The following RAI14 variants were observed in gnomAD, a reference collection of about 807,000 sequenced individuals.
The protein encoded by RAI14 is retinoic acid induced 14, also known as ankycorbin.
RAI14 carries 45 observed loss-of-function variants against 115.4 expected under a neutral mutation model. That is an observed-to-expected ratio of 0.39 (90% confidence interval 0.31 to 0.50). The LOEUF (loss-of-function observed/expected upper bound fraction) is 0.50. Among genes scored for constraint, RAI14 ranks in the 20% least tolerant of loss-of-function variants. The pLI is 0.85. For synonymous variants in RAI14, 371 were observed against 415.4 expected (o/e 0.89, Z 1.30); for missense variants, 939 against 1,131.2 (o/e 0.83, Z 2.44).
chr5:34,767,441 T>G (rs1056881892), intron 3 of RAI14, among the ~76,000 whole-genome samples: 2 of 152,186 alleles, frequency 1.3e-5, no homozygotes, highest in African/African-American at 4.8e-5. Context: ...CTGGGGCTGC[T>G]GGAGCGGGAG....
chr5:34,687,036 G>T, intron 2 of RAI14, 81 bp downstream of exon 2: 1 of 1,499,526 alleles, frequency 6.7e-7, no homozygotes, highest in South Asian at 1.2e-5. Flanking sequence ...CCTTGATAAG[G>T]CGCTGTTGGG....
chr5:34,823,113 C>T lies in RAI14; in HGVS notation c.1271C>T (p.Thr424Ile), dbSNP rs369003984. Reference sequence around the variant, plus strand: ...TTAATACATTCTTTAGGTAAATCCACTACTGACAATGATGTCAGAATTCAG... The same window carrying T: ...TTAATACATTCTTTAGGTAAATCCATTACTGACAATGATGTCAGAATTCAG... The part of the protein sequence containing the change: ...SVLIHSLGKS[T>I]TDNDVRIQQL... The change falls in exon 15 of 18, where the codon ACT becomes ATT. Residue 424 changes from threonine (T) to isoleucine (I), a missense_variant. Coordinates refer to ENST00000265109, the MANE Select transcript of RAI14 (RefSeq NM_015577.3). The surrounding 1 kb of genome is among the most constrained non-coding windows in gnomAD (Gnocchi z 4.5). The T allele has an allele frequency of 5.6e-6, 9 of 1,612,522 alleles. No homozygotes were observed. The Admixed American group carries it at 6.7e-5, about 12-fold the overall frequency.
In RAI14 at chr5:34,832,559, T is replaced by C. The variant is rs1174050179; in HGVS notation, c.*1794T>C. The stretch of plus-strand genomic sequence containing the variant: ...TTATATGCTGTAGTTTTTAGTATTT[T>C]GTCTTTGTAATTTACAGAAGTTATT... On this transcript the variant is annotated 3_prime_UTR_variant, in exon 18 of 18. Transcript: ENST00000265109. 1 of 152,680 alleles carries C rather than the reference T, an allele frequency of 6.5e-6. No individual in the cohort carries two copies. The highest frequency in any genetic ancestry group is 1.5e-5 in the Non-Finnish European group (1 of 68,044). The allele number at this position is 152,680 out of a possible 1,614,324, so 9.5% of individuals were successfully genotyped here. A position where few individuals can be genotyped will look rare whatever the true frequency, so the allele number is the denominator to read the frequency against.
chr5:34,710,601 G>T (rs1741276428), intron 2 of RAI14, among the ~76,000 whole-genome samples: 1 of 152,192 alleles, frequency 6.6e-6, no homozygotes, highest in Admixed American at 6.5e-5. Context: ...CTTTGTTGAT[G>T]ATGAGAATCA....
chr5:34,731,783 G>A lies in RAI14; in HGVS notation c.37-25685G>A, dbSNP rs146074509. Among the ~76,000 whole-genome samples the A allele has an allele frequency of 5.5e-3, 835 of 152,352 alleles. 6 individuals are homozygous for A. Among genetic ancestry groups the A allele is most frequent in the African/African-American group, 0.019 (809 of 41,578 alleles). Reference sequence around the variant, plus strand: ...TCATCTCAACTTCTGTTTTGATAGAGGACAGTTGAAAACACTGTGCTTGCA... The same window carrying A: ...TCATCTCAACTTCTGTTTTGATAGAAGACAGTTGAAAACACTGTGCTTGCA... On this transcript the variant is annotated intron_variant, in intron 2 of 17. Coordinates refer to ENST00000265109, the MANE Select transcript of RAI14 (RefSeq NM_015577.3).
intron 1 of RAI14, among the ~76,000 whole-genome samples, chr5:34,672,136 G>A (rs539629058): frequency 6.6e-6 from 1 of 152,228 alleles, no homozygotes; most frequent in South Asian, 2.1e-4. Context: ...TTTTGTGCAA[G>A]TGCATTAACC....
intron 3 of RAI14, among the ~76,000 whole-genome samples, chr5:34,776,485 T>C (rs1303166160): frequency 6.6e-6 from 1 of 152,144 alleles, no homozygotes; most frequent in Non-Finnish European, 1.5e-5. Context: ...TTTACCCTGA[T>C]GTGATTATTC....
chr5:34,803,722 C>T lies in RAI14; in HGVS notation c.267C>T (p.Ala89=), dbSNP rs187117047. The change falls in exon 5 of 18, where the codon GCC becomes GCT. Residue 89 remains alanine (A), a synonymous_variant. Transcript: ENST00000265109. ...AAAAAATCCATTTAGGACACAGCGC[C>T]TTACATCTCGCAGCCAAGAACAGCC... The part of the protein sequence containing the change: ...VTAQDTTGHS[A]LHLAAKNSHH... 7 of 1,610,866 alleles carry T rather than the reference C, an allele frequency of 4.3e-6. No individual in the cohort carries two copies. In the East Asian group the frequency reaches 8.9e-5, roughly 21 times the overall value.
chr5:34,731,326 T>C (rs1258743235), intron 2 of RAI14, among the ~76,000 whole-genome samples: 2 of 152,342 alleles, frequency 1.3e-5, no homozygotes, highest in Non-Finnish European at 2.9e-5. Context: ...ATTACATACT[T>C]ATCTTCACCT....
At chr5:34,710,242 T>C (rs1246211068) in intron 2 of RAI14, among the ~76,000 whole-genome samples, 2 of 152,204 alleles carry the variant, frequency 1.3e-5, no homozygotes, top group Non-Finnish European at 2.9e-5. Context: ...GAAGAGTCCT[T>C]CCTTGCTTAT....
intron 1 of RAI14, among the ~76,000 whole-genome samples, chr5:34,678,908 T>C (rs1364984572): frequency 6.6e-6 from 1 of 152,208 alleles, no homozygotes; most frequent in Non-Finnish European, 1.5e-5. Context: ...ACACCACTTA[T>C]TTCCCTCTAT....
In RAI14 at chr5:34,810,688, C is replaced by T. The variant is rs1032064369; in HGVS notation, c.451-324C>T. On this transcript the variant is annotated intron_variant, in intron 7 of 17. Coordinates refer to ENST00000265109, the MANE Select transcript of RAI14 (RefSeq NM_015577.3). ...CTCCAGCACCGTCCCTCAGTATACCCGGTACACTTGCCTTGAGCCTTTACA... is the reference window on the plus strand; with the variant it reads ...CTCCAGCACCGTCCCTCAGTATACCTGGTACACTTGCCTTGAGCCTTTACA... Among the ~76,000 whole-genome samples, 15 of 152,192 alleles carry T rather than the reference C, an allele frequency of 9.9e-5. No homozygotes were observed. The South Asian group carries it at 1.0e-3, about 11-fold the overall frequency.
intron 1 of RAI14, chr5:34,686,426 C>T (rs1561236967): frequency 6.6e-6 from 1 of 152,044 alleles, no homozygotes; most frequent in Non-Finnish European, 1.5e-5. Flanking sequence ...ATGAAGAGAT[C>T]TATTGTACAA....
chr5:34,787,369 G>C (rs1752421149), intron 3 of RAI14, among the ~76,000 whole-genome samples: 1 of 152,156 alleles, frequency 6.6e-6, no homozygotes, highest in South Asian at 2.1e-4. Context: ...ACAATGAATA[G>C]ATAAACAAAA....
intron 1 of RAI14, among the ~76,000 whole-genome samples, chr5:34,673,190 T>TA (rs1246027597): frequency 6.6e-6 from 1 of 152,220 alleles, no homozygotes; most frequent in African/African-American, 2.4e-5. Context: ...GAGCAGTACT[T>TA]ACTTTCAGAA....
In RAI14 at chr5:34,824,201, T is replaced by C; in HGVS notation, c.2359T>C (p.Ser787Pro). ...AAMTDAMVPR[S>P]SYEKLQSSLE... ...TATGACTGATGCAATGGTACCTCGGTCTTCCTATGAAAAACTCCAGTCATC... is the reference window on the plus strand; with the variant it reads ...TATGACTGATGCAATGGTACCTCGGCCTTCCTATGAAAAACTCCAGTCATC... Residue 787 changes from serine to proline, a missense_variant, in exon 15 of 18, where the codon TCT (serine) becomes CCT (proline). Transcript: ENST00000265109. 6.2e-7 allele frequency: 1 copy of C among 1,614,220 alleles called. No homozygotes were observed. Among genetic ancestry groups the C allele is most frequent in the Non-Finnish European group, 8.5e-7 (1 of 1,180,028 alleles).
intron 3 of RAI14, among the ~76,000 whole-genome samples, chr5:34,790,944 T>C (rs1020633768): frequency 5.3e-5 from 8 of 152,100 alleles, no homozygotes; most frequent in African/African-American, 1.9e-4. Flanking sequence ...TGTCAGTGAC[T>C]CTGATAAAAT....
Position 34,818,871 on chromosome 5 carries a change from G to GT in RAI14, c.994+31dup, listed in dbSNP as rs3884194. 0.19 allele frequency: 262,558 copies of GT among 1,373,622 alleles called. 6,942 individuals carry two copies. Among genetic ancestry groups the GT allele is most frequent in the Non-Finnish European group, 0.2 (206,975 of 1,012,712 alleles). The allele number at this position is 1,373,622 out of a possible 1,614,324, so 85.1% of individuals were successfully genotyped here. A position where few individuals can be genotyped will look rare whatever the true frequency, so the allele number is the denominator to read the frequency against. ...CTACAGGTAAGACAAGGAAGCATCT[G>GT]TTTTTTTTTTTCCTTCAACCAAACT... On this transcript the variant is annotated intron_variant, in intron 13 of 17. Coordinates refer to ENST00000265109, the MANE Select transcript of RAI14 (RefSeq NM_015577.3).
At chr5:34,730,668 C>G (rs962035032) in intron 2 of RAI14, among the ~76,000 whole-genome samples, 1 of 151,594 alleles carries the variant, frequency 6.6e-6, no homozygotes, top group Non-Finnish European at 1.5e-5. Flanking sequence ...AAACTGAGAC[C>G]CTGTCTCGAA....
Sources: allele counts gnomAD v4.1 joint callset (sites outside exome capture counted in the v4.1 genomes callset), GRCh38; gene constraint gnomAD v4.1.1; non-coding constraint Gnocchi (gnomAD v3.1); transcripts MANE v1.5; gene names NCBI Gene and HGNC (gene_info 2026-07-23, HGNC 2026-07-21).